Variants in PRKG1 observed in about 807,000 individuals in gnomAD.
PRKG1 encodes protein kinase cGMP-dependent 1.
Under a neutral mutation model 88.1 loss-of-function variants are expected in PRKG1, and 35 were observed. The observed-to-expected ratio is 0.40, with a 90% CI of 0.30 to 0.53. PRKG1 has a LOEUF of 0.53. Ranked by LOEUF, PRKG1 falls within the 20% of genes least tolerant of loss-of-function variation. PRKG1 has a pLI of 0.59. For synonymous variants in PRKG1, 303 were observed against 292.5 expected (o/e 1.04, Z -0.37); for missense variants, 540 against 839.8 (o/e 0.64, Z 4.41).
At chr10:52,033,071 G>C (rs1349436735) in intron 5 of PRKG1, among the ~76,000 whole-genome samples, 2 of 152,158 alleles carry the variant, frequency 1.3e-5, no homozygotes, top group Non-Finnish European at 2.9e-5. Context: ...TCTATACCCA[G>C]CATTCATTCA....
Position 51,887,744 on chromosome 10 carries a change from A to G in PRKG1, c.699-19763A>G, listed in dbSNP as rs77141583. 8.1e-3 allele frequency among the ~76,000 whole-genome samples: 1,226 copies of G among 152,226 alleles called. 6 individuals carry two copies. The highest frequency in any genetic ancestry group is 0.014 in the Middle Eastern group (4 of 294). On this transcript the variant is annotated intron_variant, in intron 4 of 17. Transcript: ENST00000373980. ...GTCTTCTTTGGAGAAATATTTATAT[A>G]TGTATTCAAGTCTTTTGCCCAATTT... is the stretch of plus-strand genomic sequence containing the variant.
chr10:51,067,456 A>C (rs1843767245), intron 1 of PRKG1, among the ~76,000 whole-genome samples: 1 of 152,062 alleles, frequency 6.6e-6, no homozygotes, highest in Non-Finnish European at 1.5e-5. Context: ...GGAAAATGAA[A>C]GTAAGCAATT....
intron 3 of PRKG1, among the ~76,000 whole-genome samples, chr10:51,482,175 G>A (rs1163049094): frequency 6.6e-6 from 1 of 152,084 alleles, no homozygotes; most frequent in African/African-American, 2.4e-5. Flanking sequence ...ACAGACTGGG[G>A]AATAATGGCA....
chr10:51,715,980 T>C (rs1269582341), intron 3 of PRKG1, among the ~76,000 whole-genome samples: 1 of 152,240 alleles, frequency 6.6e-6, no homozygotes, highest in Non-Finnish European at 1.5e-5. Context: ...TTCTATATTC[T>C]CCTCCCAAAT....
intron 2 of PRKG1, among the ~76,000 whole-genome samples, chr10:51,269,321 C>T (rs1020488534): frequency 1.3e-5 from 2 of 152,048 alleles, no homozygotes; most frequent in African/African-American, 4.8e-5. Flanking sequence ...TATGGAGATT[C>T]CTTAAATAAC....
chr10:51,755,260 TCA>T (rs1168128246), intron 3 of PRKG1, among the ~76,000 whole-genome samples: 13 of 152,310 alleles, frequency 8.5e-5, no homozygotes, highest in Middle Eastern at 6.8e-3. Flanking sequence ...TGACATGCTG[TCA>T]GGGGCAAATC....
At chr10:51,180,926 A>T (rs1837324507) in intron 2 of PRKG1, among the ~76,000 whole-genome samples, 2 of 152,198 alleles carry the variant, frequency 1.3e-5, no homozygotes, top group Admixed American at 6.5e-5. Context: ...GGTGAAAATG[A>T]ACTCTTTAGG....
At chr10:52,050,574 C>A (rs147263772) in intron 5 of PRKG1, among the ~76,000 whole-genome samples, 83 of 152,260 alleles carry the variant, frequency 5.5e-4, no homozygotes, top group African/African-American at 1.9e-3. Flanking sequence ...TCATTACAGT[C>A]CTGGTGTTAC....
chr10:52,288,574 T>G, intron 14 of PRKG1, 152 bp from the exon 15 acceptor site: 1 of 857,298 alleles, frequency 1.2e-6, no homozygotes, highest in African/African-American at 1.8e-5. Context: ...GCTTCCACAC[T>G]GTTTTGCTAT....
chr10:51,516,285 T>C (rs943400502), intron 3 of PRKG1, among the ~76,000 whole-genome samples: 2 of 152,138 alleles, frequency 1.3e-5, no homozygotes, highest in South Asian at 2.1e-4. Flanking sequence ...CTCTTTCCAA[T>C]GTCTAGCTGC....
chr10:52,286,632 A>C (rs192822684), intron 14 of PRKG1, among the ~76,000 whole-genome samples: 1 of 152,164 alleles, frequency 6.6e-6, no homozygotes, highest in Admixed American at 6.6e-5. Context: ...AGGTATAACT[A>C]TAGGTATACT....
At chr10:51,524,078 G>C (rs532689881) in intron 3 of PRKG1, among the ~76,000 whole-genome samples, 47 of 152,090 alleles carry the variant, frequency 3.1e-4, no homozygotes, top group African/African-American at 9.9e-4. Context: ...CTCTCCCCTG[G>C]TTCTCTTTCT....
intron 1 of PRKG1, among the ~76,000 whole-genome samples, chr10:51,061,500 G>C (rs1790113940): frequency 6.6e-6 from 1 of 152,032 alleles, no homozygotes; most frequent in Admixed American, 6.6e-5. Flanking sequence ...TGAAATCTGT[G>C]GCATGATAGT....
intron 3 of PRKG1, among the ~76,000 whole-genome samples, chr10:51,637,083 A>T (rs983899198): frequency 6.6e-6 from 1 of 152,196 alleles, no homozygotes; most frequent in Non-Finnish European, 1.5e-5. Context: ...ATTGTCATTT[A>T]AAAAACCCCA....
chr10:51,735,669 A>G (rs1394058943), intron 3 of PRKG1, among the ~76,000 whole-genome samples: 1 of 152,074 alleles, frequency 6.6e-6, no homozygotes, highest in African/African-American at 2.4e-5. Context: ...ACCCTTCTGT[A>G]TACTTTAAAT....
chr10:52,167,218 G>A (rs1334777496), intron 9 of PRKG1, among the ~76,000 whole-genome samples: 2 of 151,986 alleles, frequency 1.3e-5, no homozygotes, highest in African/African-American at 4.8e-5. Context: ...AGGCAACAGG[G>A]CATATCACAT....
chr10:51,682,177 A>C (rs973592102), intron 3 of PRKG1, among the ~76,000 whole-genome samples: 1 of 152,334 alleles, frequency 6.6e-6, no homozygotes, highest in South Asian at 2.1e-4. Context: ...TGGGTCAAAC[A>C]GAGTCAGCTG....
intron 2 of PRKG1, among the ~76,000 whole-genome samples, chr10:51,257,236 G>T (rs1236177119): frequency 1.3e-5 from 2 of 151,672 alleles, no homozygotes; most frequent in African/African-American, 4.8e-5. Context: ...GCATCAGTGG[G>T]ATGCTTAGAG....
chr10:51,276,146 G>A (rs1043671387), intron 2 of PRKG1, among the ~76,000 whole-genome samples: 2 of 151,912 alleles, frequency 1.3e-5, no homozygotes, highest in Non-Finnish European at 2.9e-5. Flanking sequence ...CCCAGTGTGT[G>A]ATGTTCCCCT....
Sources: allele counts gnomAD v4.1 joint callset (sites outside exome capture counted in the v4.1 genomes callset), GRCh38; gene constraint gnomAD v4.1.1; transcripts MANE v1.5; gene names NCBI Gene and HGNC (gene_info 2026-07-23, HGNC 2026-07-21).